Variants in KIRREL3 observed in about 807,000 individuals in gnomAD.
KIRREL3 encodes kin of IRRE-like protein 3.
Under a neutral mutation model 89.7 loss-of-function variants are expected in KIRREL3, and 36 were observed. The observed-to-expected ratio is 0.40, with a 90% confidence interval of 0.31 to 0.53. KIRREL3 has a LOEUF of 0.53. Among genes scored for constraint, KIRREL3 ranks in the 20% least tolerant of loss-of-function variants. KIRREL3 has a pLI of 0.49. For synonymous variants in KIRREL3, 445 were observed against 441.4 expected, an observed-to-expected ratio of 1.01 and a Z score of -0.10; for missense variants, 864 against 1,056.6, an observed-to-expected ratio of 0.82 and a Z score of 2.53.
chr11:126,932,357 C>T (rs1370193731), intron 1 of KIRREL3, among the ~76,000 whole-genome samples: 2 of 152,164 alleles, frequency 1.3e-5, no homozygotes, highest in East Asian at 3.8e-4. Context: ...AGGTTTTCGG[C>T]CCGCACAGAA....
rs111966953 is a variant in KIRREL3 at position 126,995,751 on chromosome 11, T to G, written c.55+4704A>C. Among the ~76,000 whole-genome samples, 171 of 152,354 alleles carry G rather than the reference T, an allele frequency of 1.1e-3. 1 individual carries two copies. Among genetic ancestry groups the G allele is most frequent in the African/African-American group, 3.9e-3 (163 of 41,574 alleles). On this transcript the variant is annotated intron_variant, in intron 1 of 16. Transcript: ENST00000525144. This position sits in a 1 kb window ranked among gnomAD's most constrained non-coding sequence, Gnocchi z 6.5. ...ATCTCTTCAATTCGCTCTGGATTAT[T>G]CATGTGCTTTTTTGGGTCTGCAATA...
intron 1 of KIRREL3, among the ~76,000 whole-genome samples, chr11:126,613,125 C>T (rs1389364788): frequency 1.3e-5 from 2 of 152,248 alleles, no homozygotes; most frequent in African/African-American, 2.4e-5. Context: ...CACCCCCTTA[C>T]ATTTAAATTT....
intron 1 of KIRREL3, among the ~76,000 whole-genome samples, chr11:126,650,463 C>T (rs1364992054): frequency 1.3e-5 from 2 of 152,114 alleles, no homozygotes; most frequent in African/African-American, 2.4e-5. Flanking sequence ...TTAGAAATTT[C>T]TTCCACTAGA....
chr11:126,701,720 T>A (rs1282688698), intron 1 of KIRREL3, among the ~76,000 whole-genome samples: 2 of 152,048 alleles, frequency 1.3e-5, no homozygotes, highest in Admixed American at 6.5e-5. Context: ...GGGCAGCACC[T>A]GGGCGGAGTT....
intron 1 of KIRREL3, among the ~76,000 whole-genome samples, chr11:126,871,854 T>G (rs1945120054): frequency 6.6e-6 from 1 of 152,154 alleles, no homozygotes; most frequent in Non-Finnish European, 1.5e-5. Flanking sequence ...AAGACACCAG[T>G]GAACAAAGAA....
In KIRREL3 at chr11:126,848,636, T is replaced by C. The variant is rs541596058; in HGVS notation, c.55+151819A>G. Among the ~76,000 whole-genome samples, 3 of 152,350 alleles carry C rather than the reference T, an allele frequency of 2.0e-5. No homozygotes were observed. The East Asian group carries it at 5.8e-4, about 29-fold the overall frequency. On this transcript the variant is annotated intron_variant, in intron 1 of 16. Transcript: ENST00000525144. ...GTTGCCCAGTTCATGGAAAGCCTTC[T>C]AATTTAGTTTACATGGGATAATTTT...
Position 126,486,637 on chromosome 11 carries a change from A to G in KIRREL3, c.434-13171T>C, listed in dbSNP as rs1054326627. 2.6e-5 allele frequency among the ~76,000 whole-genome samples: 4 copies of G among 152,170 alleles called. No individual in the cohort carries two copies. Among genetic ancestry groups the G allele is most frequent in the African/African-American group, 9.7e-5 (4 of 41,432 alleles). Reference sequence around the variant, plus strand: ...CGTGGACTTGTATAATCCATGCTTCATGGTATGGTGGGCCCTTGCAGTAGC... The same window carrying G: ...CGTGGACTTGTATAATCCATGCTTCGTGGTATGGTGGGCCCTTGCAGTAGC... On this transcript the variant is annotated intron_variant, in intron 4 of 16. Coordinates refer to ENST00000525144, the MANE Select transcript of KIRREL3 (RefSeq NM_032531.4). The surrounding 1 kb of genome is among the most constrained non-coding windows in gnomAD (Gnocchi z 6.2).
chr11:126,854,158 GTA>G (rs1491012621), intron 1 of KIRREL3, among the ~76,000 whole-genome samples: 4 of 148,664 alleles, frequency 2.7e-5, no homozygotes, highest in African/African-American at 1.0e-4. Context: ...GTGTGTGTGT[GTA>G]TGTGGTGTGT....
chr11:126,540,942 G>A (rs1042637268), intron 2 of KIRREL3, among the ~76,000 whole-genome samples: 1 of 152,182 alleles, frequency 6.6e-6, no homozygotes, highest in African/African-American at 2.4e-5. Flanking sequence ...TCACTGAGCC[G>A]GCACCTTGGG....
chr11:126,936,540 T>A (rs968685126), intron 1 of KIRREL3: 45 of 123,968 alleles, frequency 3.6e-4, no homozygotes, highest in Middle Eastern at 4.8e-3. Context: ...ATCCGTACAA[T>A]AAAATGCTAT....
chr11:126,924,444 A>G lies in KIRREL3; in HGVS notation c.55+76011T>C, dbSNP rs1481590009. ...TGAAAAAATAATTGGGATCTAAAAT[A>G]AAGAGGATTTCCAGGCACACGGGAA... On this transcript the variant is annotated intron_variant, in intron 1 of 16. Transcript: ENST00000525144. The surrounding 1 kb of genome is among the most constrained non-coding windows in gnomAD (Gnocchi z 4.7). 6.6e-6 allele frequency among the ~76,000 whole-genome samples: 1 copy of G among 152,196 alleles called. No homozygotes were observed. Among genetic ancestry groups the G allele is most frequent in the Non-Finnish European group, 1.5e-5 (1 of 68,044 alleles).
Position 126,561,580 on chromosome 11 carries a change from AAG to A in KIRREL3, c.133+1253_133+1254del, listed in dbSNP as rs1162997120. 6.6e-6 allele frequency among the ~76,000 whole-genome samples: 1 copy of A among 152,030 alleles called. No individual in the cohort carries two copies. The highest frequency in any genetic ancestry group is 1.5e-5 in the Non-Finnish European group (1 of 68,002). Reference sequence around the variant, plus strand: ...TTGGGGAGGGAAGGGGAGGCTGAGAAAGAGAAAAGTCAGTAAAGGCAACTGAC... The same window carrying A: ...TTGGGGAGGGAAGGGGAGGCTGAGAAAGAAAAGTCAGTAAAGGCAACTGAC... On this transcript the variant is annotated intron_variant, in intron 2 of 16. Coordinates refer to ENST00000525144, the MANE Select transcript of KIRREL3 (RefSeq NM_032531.4). The surrounding 1 kb of genome is among the most constrained non-coding windows in gnomAD (Gnocchi z 4.5).
In KIRREL3 at chr11:126,796,795, C is replaced by T. The variant is rs1344795915; in HGVS notation, c.55+203660G>A. ...GGCTGAAGCTATCCTCCTACCTCAGCCTGGCTGATTTTTTCCCACCCCTGC... is the reference window on the plus strand; with the variant it reads ...GGCTGAAGCTATCCTCCTACCTCAGTCTGGCTGATTTTTTCCCACCCCTGC... On this transcript the variant is annotated intron_variant, in intron 1 of 16. Transcript: ENST00000525144. This position sits in a 1 kb window ranked among gnomAD's most constrained non-coding sequence, Gnocchi z 5.1. Among the ~76,000 whole-genome samples, 2 of 152,138 alleles carry T rather than the reference C, an allele frequency of 1.3e-5. No homozygotes were observed. The highest frequency in any genetic ancestry group is 2.4e-5 in the African/African-American group (1 of 41,428).
chr11:126,793,320 T>C (rs1266385295), intron 1 of KIRREL3, among the ~76,000 whole-genome samples: 1 of 152,124 alleles, frequency 6.6e-6, no homozygotes, highest in East Asian at 1.9e-4. Flanking sequence ...TGCAATAAGG[T>C]TGTAGTGCTG....
In KIRREL3 at chr11:126,495,826, C is replaced by G. The variant is rs1431484346; in HGVS notation, c.434-22360G>C. Reference sequence around the variant, plus strand: ...GGACACTGGGACTCTAGTCCTGACACTCAGCAAATGGCAACTGCATGCTAC... The same window carrying G: ...GGACACTGGGACTCTAGTCCTGACAGTCAGCAAATGGCAACTGCATGCTAC... On this transcript the variant is annotated intron_variant, in intron 4 of 16. Transcript: ENST00000525144. The surrounding 1 kb of genome is among the most constrained non-coding windows in gnomAD (Gnocchi z 6.5). Among the ~76,000 whole-genome samples the G allele has an allele frequency of 6.6e-6, 1 of 152,230 alleles. No individual in the cohort carries two copies. The highest frequency in any genetic ancestry group is 2.4e-5 in the African/African-American group (1 of 41,454).
chr11:126,438,249 G>C (rs937472343), intron 11 of KIRREL3, among the ~76,000 whole-genome samples: 4 of 152,258 alleles, frequency 2.6e-5, no homozygotes, highest in African/African-American at 7.2e-5. Context: ...CTACAGAGCT[G>C]TGTTTGCGAT....
At chr11:126,815,677 G>T (rs2134437296) in intron 1 of KIRREL3, among the ~76,000 whole-genome samples, 2 of 152,198 alleles carry the variant, frequency 1.3e-5, no homozygotes, top group Middle Eastern at 6.8e-3. Flanking sequence ...GGGACTACAG[G>T]CAGCCGCCAC....
chr11:126,712,563 C>T (rs543536477), intron 1 of KIRREL3, among the ~76,000 whole-genome samples: 6 of 152,188 alleles, frequency 3.9e-5, no homozygotes, highest in Admixed American at 2.6e-4. Context: ...ATATTGCCAC[C>T]TCATTCTCCG....
At position 126,724,011 on chromosome 11, in the gene KIRREL3, C is replaced by A. The variant is rs942726401; in HGVS notation, c.56-161099G>T. ...TGATTAAAAGAAGTGTAGGCAGCTC[C>A]AAGGCCACACATGAAAAGAGAAATG... On this transcript the variant is annotated intron_variant, in intron 1 of 16. Coordinates refer to ENST00000525144, the MANE Select transcript of KIRREL3 (RefSeq NM_032531.4). The surrounding 1 kb of genome is among the most constrained non-coding windows in gnomAD (Gnocchi z 4.3). Among the ~76,000 whole-genome samples, 1 of 152,158 alleles carries A rather than the reference C, an allele frequency of 6.6e-6. No individual in the cohort carries two copies. The highest frequency in any genetic ancestry group is 2.4e-5 in the African/African-American group (1 of 41,440).
Sources: allele counts gnomAD v4.1 joint callset (sites outside exome capture counted in the v4.1 genomes callset), GRCh38; gene constraint gnomAD v4.1.1; non-coding constraint Gnocchi (gnomAD v3.1); transcripts MANE v1.5; gene names NCBI Gene and HGNC (gene_info 2026-07-23, HGNC 2026-07-21).